Variants in ASTN1 observed in about 807,000 individuals in gnomAD.
ASTN1 encodes astrotactin-1.
In ASTN1, 41 loss-of-function variants were observed where a neutral mutation model predicts 140.7. The ratio of observed to expected loss-of-function variants is 0.29; its 90% CI spans 0.23 to 0.38. ASTN1 has a LOEUF of 0.38. ASTN1 is among the 10% of genes least tolerant of loss of function. ASTN1 has a pLI of 1.00. For missense variants in ASTN1, 1,479 were observed against 1,678.8 expected (o/e 0.88, Z 2.08); for synonymous variants, 640 against 652.2 (o/e 0.98, Z 0.29).
At chr1:177,105,928 C>G (rs1680526558) in intron 1 of ASTN1, among the ~76,000 whole-genome samples, 1 of 152,150 alleles carries the variant, frequency 6.6e-6, no homozygotes, top group African/African-American at 2.4e-5. Flanking sequence ...CCCTGGAGTT[C>G]AAGGCTGCAG....
At chr1:177,036,744 T>G (rs1676738547) in intron 2 of ASTN1, among the ~76,000 whole-genome samples, 1 of 152,196 alleles carries the variant, frequency 6.6e-6, no homozygotes, top group Non-Finnish European at 1.5e-5. Context: ...CCTTCTACAG[T>G]GAGGACTTGG....
intron 16 of ASTN1, among the ~76,000 whole-genome samples, chr1:176,902,027 C>T (rs538893882): frequency 1.4e-3 from 220 of 152,282 alleles, no homozygotes; most frequent in Middle Eastern, 6.8e-3. Context: ...CATAATCATG[C>T]CCTGCAGCCG....
At chr1:176,921,776 C>G (rs1670734396) in intron 16 of ASTN1, among the ~76,000 whole-genome samples, 1 of 152,086 alleles carries the variant, frequency 6.6e-6, no homozygotes, top group Non-Finnish European at 1.5e-5. Context: ...AAACAGCAAA[C>G]ATGGAGATAT....
At chr1:176,914,752 G>A (rs765405133) in intron 16 of ASTN1, among the ~76,000 whole-genome samples, 8 of 152,176 alleles carry the variant, frequency 5.3e-5, no homozygotes, top group Non-Finnish European at 1.0e-4. Context: ...ACAACAATGC[G>A]ACCTTGGAGG....
chr1:177,060,271 T>C (rs1487193971), intron 2 of ASTN1, among the ~76,000 whole-genome samples: 1 of 152,132 alleles, frequency 6.6e-6, no homozygotes, highest in Non-Finnish European at 1.5e-5. Flanking sequence ...ATGTTAATAG[T>C]AAAGGATCTG....
chr1:176,983,623 T>A (rs982556516), intron 8 of ASTN1, among the ~76,000 whole-genome samples: 3 of 152,210 alleles, frequency 2.0e-5, no homozygotes, highest in African/African-American at 7.2e-5. Flanking sequence ...TAGTTAAAAT[T>A]CACAGGGTTG....
chr1:176,861,673 T>C lies in ASTN1; in HGVS notation c.*2611A>G. ...AGCCAGTCATAGGAGTTGTGTGCAT[T>C]GTGTGTGCACACGTGTGTGTGTGTG... On this transcript the variant is annotated 3_prime_UTR_variant, in exon 23 of 23. Transcript: ENST00000361833. 2.0e-6 allele frequency: 2 copies of C among 985,436 alleles called. No individual in the cohort carries two copies. The highest frequency in any genetic ancestry group is 2.4e-6 in the Non-Finnish European group (2 of 829,930). 61.0% of individuals were successfully genotyped at this position (985,436 alleles called of 1,614,324 possible).
At chr1:177,134,275 G>A (rs189535824) in intron 1 of ASTN1, among the ~76,000 whole-genome samples, 29 of 152,246 alleles carry the variant, frequency 1.9e-4, no homozygotes, top group South Asian at 1.9e-3. Context: ...GCAGGCTCCC[G>A]AAAGCAGTAG....
At chr1:177,055,433 G>A (rs1447934042) in intron 2 of ASTN1, among the ~76,000 whole-genome samples, 3 of 152,186 alleles carry the variant, frequency 2.0e-5, no homozygotes, top group Non-Finnish European at 2.9e-5. Context: ...GCATCTCCAG[G>A]CTTTTGCACA....
chr1:177,064,431 G>C (rs771547752), intron 1 of ASTN1, among the ~76,000 whole-genome samples: 1 of 152,204 alleles, frequency 6.6e-6, no homozygotes, highest in Non-Finnish European at 1.5e-5. Context: ...AGCTCAAGAA[G>C]TTCCATACCT....
At chr1:176,963,090 T>C (rs568768347) in intron 9 of ASTN1, among the ~76,000 whole-genome samples, 27 of 152,294 alleles carry the variant, frequency 1.8e-4, no homozygotes, top group African/African-American at 6.0e-4. Flanking sequence ...TTGCAGATAT[T>C]GGATCACTTA....
intron 1 of ASTN1, among the ~76,000 whole-genome samples, chr1:177,115,638 CAG>C (rs1169232748): frequency 6.7e-6 from 1 of 148,188 alleles, no homozygotes; most frequent in African/African-American, 2.5e-5. Context: ...GCCTGGGCAA[CAG>C]AGAGAGACTG....
At chr1:177,104,148 G>A (rs1160097684) in intron 1 of ASTN1, among the ~76,000 whole-genome samples, 1 of 152,072 alleles carries the variant, frequency 6.6e-6, no homozygotes, top group Non-Finnish European at 1.5e-5. Flanking sequence ...GAGCATGGCA[G>A]CCATCCTGGG....
rs570444308 is a variant in ASTN1 at position 177,041,713 on chromosome 1, C to T, written c.472-8864G>A. ...ATTAAGGGAATTATTGAACAAGTAA[C>T]GGAAGAGGCAGCGGGTGCAGTATAT... On this transcript the variant is annotated intron_variant, in intron 2 of 22. Coordinates refer to ENST00000361833, the MANE Select transcript of ASTN1 (RefSeq NM_004319.3). Among the ~76,000 whole-genome samples, 11 of 152,334 alleles carry T rather than the reference C, an allele frequency of 7.2e-5. No individual in the cohort carries two copies. In the South Asian group the frequency reaches 2.1e-3, roughly 29 times the overall value.
intron 1 of ASTN1, among the ~76,000 whole-genome samples, chr1:177,131,833 CAGA>C (rs376199981): frequency 5.8e-4 from 89 of 152,232 alleles, no homozygotes; most frequent in African/African-American, 2.1e-3. Context: ...CAGAAACCAG[CAGA>C]AGGAGAGCTA....
intron 2 of ASTN1, 47 bp downstream of exon 2, chr1:177,061,031 G>T (rs773326950): frequency 6.9e-7 from 1 of 1,448,518 alleles, no homozygotes; most frequent in Non-Finnish European, 9.2e-7. Flanking sequence ...TTAATGTCAA[G>T]GTAACATAAG....
At chr1:177,058,206 T>C (rs1234486098) in intron 2 of ASTN1, among the ~76,000 whole-genome samples, 1 of 152,074 alleles carries the variant, frequency 6.6e-6, no homozygotes, top group African/African-American at 2.4e-5. Context: ...GGAGGAAATA[T>C]TTATATCTCC....
chr1:177,039,011 G>A (rs143528882), intron 2 of ASTN1, among the ~76,000 whole-genome samples: 100 of 152,172 alleles, frequency 6.6e-4, no homozygotes, highest in Non-Finnish European at 1.5e-4. Flanking sequence ...ATAAATCTTC[G>A]AATAAAAGAA....
At chr1:176,938,796 C>A (rs563871589) in intron 14 of ASTN1, among the ~76,000 whole-genome samples, 1 of 152,142 alleles carries the variant, frequency 6.6e-6, no homozygotes, top group African/African-American at 2.4e-5. Flanking sequence ...GTTGTGAGAA[C>A]AAAATAAAAT....
Sources: allele counts gnomAD v4.1 joint callset (sites outside exome capture counted in the v4.1 genomes callset), GRCh38; gene constraint gnomAD v4.1.1; transcripts MANE v1.5; gene names NCBI Gene and HGNC (gene_info 2026-07-23, HGNC 2026-07-21).